QRICH1: variants seen among roughly 807,000 people sequenced by gnomAD.
QRICH1 encodes glutamine rich 1.
QRICH1 carries 16 observed loss-of-function variants against 87.1 expected under a neutral mutation model. The ratio of observed to expected loss-of-function variants is 0.18; its 90% CI spans 0.12 to 0.28. The LOEUF is 0.28. QRICH1 is among the 10% of genes least tolerant of loss of function. The pLI is 1.00. For missense variants in QRICH1, 647 were observed against 951.7 expected, an observed-to-expected ratio of 0.68 and a Z score of 4.21; for synonymous variants, 367 against 368.4, an observed-to-expected ratio of 1.00 and a Z score of 0.05.
rs780875814 is a variant in QRICH1, at chr3:49,046,018, C to T, written c.1671+407G>A. On this transcript the variant is annotated intron_variant, in intron 5 of 9. Coordinates refer to ENST00000395443, the MANE Select transcript of QRICH1 (RefSeq NM_198880.3). Reference sequence around the variant, plus strand: ...GCAACCTCTACCTCCCGGGTTCAAGCGATTCTCATGCCTCAGCCTCCCAAA... The same window carrying T: ...GCAACCTCTACCTCCCGGGTTCAAGTGATTCTCATGCCTCAGCCTCCCAAA... Among the ~76,000 whole-genome samples the T allele has an allele frequency of 1.1e-4, 17 of 151,426 alleles. No homozygotes were observed. The Middle Eastern group carries it at 0.017, about 151-fold the overall frequency.
At chr3:49,090,357 G>C (rs775729717) in intron 1 of QRICH1, among the ~76,000 whole-genome samples, 21 of 152,092 alleles carry the variant, frequency 1.4e-4, no homozygotes, top group Non-Finnish European at 2.6e-4. Context: ...TACTCGGGAG[G>C]CTGAGGCAGG....
At chr3:49,047,979 A>C (rs2093348487) in intron 3 of QRICH1, among the ~76,000 whole-genome samples, 1 of 152,122 alleles carries the variant, frequency 6.6e-6, no homozygotes, top group Non-Finnish European at 1.5e-5. Context: ...TCAAGTAAAA[A>C]AGTAATTCTA....
At position 49,039,517 on chromosome 3, in the gene QRICH1, C is replaced by T. The variant is rs572507722; in HGVS notation, c.1786+4873G>A. Among the ~76,000 whole-genome samples, 445 of 144,298 alleles carry T rather than the reference C, an allele frequency of 3.1e-3. 5 individuals are homozygous for T. The highest frequency in any genetic ancestry group is 0.011 in the African/African-American group (422 of 38,676). 94.7% of individuals were successfully genotyped at this position (144,298 alleles called of 152,430 possible). A position where few individuals can be genotyped will look rare whatever the true frequency, so the allele number is the denominator to read the frequency against. On this transcript the variant is annotated intron_variant, in intron 6 of 9. Transcript: ENST00000395443. Reference sequence around the variant, plus strand: ...ACAGGTGCCTGTAATCCCAGCTACTCGGAGGCTGAGGCACAATAATTTCTT... The same window carrying T: ...ACAGGTGCCTGTAATCCCAGCTACTTGGAGGCTGAGGCACAATAATTTCTT...
chr3:49,087,877 AT>A (rs1364687016), intron 1 of QRICH1, among the ~76,000 whole-genome samples: 3 of 147,208 alleles, frequency 2.0e-5, no homozygotes, highest in Non-Finnish European at 4.5e-5. Context: ...ATAACTCCAT[AT>A]GTTTATAAGA....
chr3:49,052,537 GCT>G (rs554559946), intron 3 of QRICH1, among the ~76,000 whole-genome samples: 234 of 152,146 alleles, frequency 1.5e-3, no homozygotes, highest in African/African-American at 5.4e-3. Context: ...ATGGAGTTTC[GCT>G]CTGTCACCCA....
chr3:49,072,101 T>C (rs2041844278), intron 2 of QRICH1, among the ~76,000 whole-genome samples: 3 of 151,706 alleles, frequency 2.0e-5, no homozygotes, highest in Admixed American at 6.6e-5. Context: ...GAGGCCGAGG[T>C]TGGCAGATCA....
At chr3:49,059,852 G>A (rs2093424815) in intron 2 of QRICH1, among the ~76,000 whole-genome samples, 1 of 151,952 alleles carries the variant, frequency 6.6e-6, no homozygotes, top group Non-Finnish European at 1.5e-5. Flanking sequence ...CAAGTAGCTG[G>A]GATTACATGT....
At position 49,030,348 on chromosome 3, in the gene QRICH1, A is replaced by T; in HGVS notation, c.*104T>A. ...AAGCAGCCTGAAAGGCTTCGTAACT[A>T]CACCAATAAAAAAAAGAAAAAAAAA... On this transcript the variant is annotated 3_prime_UTR_variant, in exon 10 of 10. Coordinates refer to ENST00000395443, the MANE Select transcript of QRICH1 (RefSeq NM_198880.3). 1 of 1,116,892 alleles carries T rather than the reference A, an allele frequency of 9.0e-7. No homozygotes were observed. Among genetic ancestry groups the T allele is most frequent in the Non-Finnish European group, 1.3e-6 (1 of 790,356 alleles). The allele number at this position is 1,116,892 out of a possible 1,614,324, so 69.2% of individuals were successfully genotyped here.
At chr3:49,039,077 CCAGGCG>C (rs1166547503) in intron 6 of QRICH1, among the ~76,000 whole-genome samples, 1 of 152,054 alleles carries the variant, frequency 6.6e-6, no homozygotes, top group Non-Finnish European at 1.5e-5. Flanking sequence ...CATAACCGGG[CCAGGCG>C]CAGTGGCTCA....
In QRICH1 at chr3:49,030,355, T is replaced by TAAAAAAAAG; in HGVS notation, c.*88_*96dup. 3 of 1,219,614 alleles carry TAAAAAAAAG rather than the reference T, an allele frequency of 2.5e-6. No individual in the cohort carries two copies. The highest frequency in any genetic ancestry group is 3.4e-6 in the Non-Finnish European group (3 of 879,624). 75.5% of individuals were successfully genotyped at this position (1,219,614 alleles called of 1,614,324 possible). ...CTGAAAGGCTTCGTAACTACACCAA[T>TAAAAAAAAG]AAAAAAAAGAAAAAAAAAAATGGAG... On this transcript the variant is annotated 3_prime_UTR_variant, in exon 10 of 10. Coordinates refer to ENST00000395443, the MANE Select transcript of QRICH1 (RefSeq NM_198880.3).
intron 1 of QRICH1, among the ~76,000 whole-genome samples, chr3:49,084,444 G>A (rs1339242907): frequency 1.3e-5 from 2 of 151,576 alleles, no homozygotes; most frequent in African/African-American, 2.4e-5. Context: ...TAGTAGAGAC[G>A]GGATTTCGCC....
chr3:49,078,984 A>G (rs2042006070), intron 1 of QRICH1, among the ~76,000 whole-genome samples: 1 of 151,964 alleles, frequency 6.6e-6, no homozygotes, highest in Non-Finnish European at 1.5e-5. Flanking sequence ...GAGCCACCCA[A>G]TTGGTTTCTG....
chr3:49,064,133 G>C (rs903755548), intron 2 of QRICH1, among the ~76,000 whole-genome samples: 1 of 151,298 alleles, frequency 6.6e-6, no homozygotes, highest in African/African-American at 2.4e-5. Flanking sequence ...GTTTCTCCAT[G>C]TTGGTCAGGC....
intron 6 of QRICH1, among the ~76,000 whole-genome samples, chr3:49,040,608 T>C (rs2093304375): frequency 6.6e-6 from 1 of 152,250 alleles, no homozygotes; most frequent in Non-Finnish European, 1.5e-5. Flanking sequence ...AAAAAATTTG[T>C]CTAACCAGTA....
At chr3:49,038,838 G>C (rs2093292097) in intron 6 of QRICH1, among the ~76,000 whole-genome samples, 1 of 151,884 alleles carries the variant, frequency 6.6e-6, no homozygotes, top group Non-Finnish European at 1.5e-5. Context: ...ACAAGCCTAG[G>C]CAACACAGTG....
intron 5 of QRICH1, 125 bp downstream of exon 5, chr3:49,046,300 C>A: frequency 4.3e-5 from 35 of 819,524 alleles, no homozygotes; most frequent in Non-Finnish European, 5.6e-5. Flanking sequence ...TATTTTAAAA[C>A]TCACTGTATA....
intron 6 of QRICH1, among the ~76,000 whole-genome samples, chr3:49,042,232 G>A (rs888673741): frequency 6.6e-6 from 1 of 151,792 alleles, no homozygotes; most frequent in African/African-American, 2.4e-5. Flanking sequence ...CGAGTAGCTG[G>A]GACTGCAGGC....
intron 1 of QRICH1, among the ~76,000 whole-genome samples, chr3:49,079,006 G>A (rs1382876811): frequency 6.6e-6 from 1 of 151,916 alleles, no homozygotes; most frequent in East Asian, 1.9e-4. Context: ...AATATCCATA[G>A]CTCCACGGAC....
intron 1 of QRICH1, among the ~76,000 whole-genome samples, chr3:49,081,505 GT>G: frequency 6.6e-6 from 1 of 151,488 alleles, no homozygotes; most frequent in South Asian, 2.1e-4. Flanking sequence ...CTGATTTTTT[GT>G]TGTTGGTTTC....
Sources: allele counts gnomAD v4.1 joint callset (sites outside exome capture counted in the v4.1 genomes callset), GRCh38; gene constraint gnomAD v4.1.1; transcripts MANE v1.5; gene names NCBI Gene and HGNC (gene_info 2026-07-23, HGNC 2026-07-21).